MYO3A: variants seen among roughly 807,000 people sequenced by gnomAD.
MYO3A encodes myosin IIIA, also known as myosin-IIIa.
MYO3A carries 180 observed loss-of-function variants against 192.7 expected under a neutral mutation model. The ratio of observed to expected loss-of-function variants is 0.93; its 90% CI spans 0.83 to 1.06. The LOEUF (loss-of-function observed/expected upper bound fraction) is 1.06, where lower values mean the gene tolerates loss of function less well. Among genes scored for constraint, MYO3A ranks in the 50% least tolerant of loss-of-function variants. The probability of loss-of-function intolerance (pLI) is 0.00; values close to 1 mark genes in which losing one functional copy is unlikely to be tolerated. For missense variants in MYO3A, 1,896 were observed against 1,905.0 expected (o/e 1.00, Z 0.09); for synonymous variants, 628 against 645.3 (o/e 0.97, Z 0.41).
intron 32 of MYO3A, among the ~76,000 whole-genome samples, chr10:26,197,529 AT>A (rs1449685404): frequency 3.3e-5 from 5 of 151,958 alleles, no homozygotes; most frequent in Non-Finnish European, 7.4e-5. Flanking sequence ...GGCCTGCTTC[AT>A]TTTTCTCCGC....
chr10:25,950,700 T>C lies in MYO3A; in HGVS notation c.-17-1394T>C, dbSNP rs544969164. Among the ~76,000 whole-genome samples, 234 of 152,260 alleles carry C rather than the reference T, an allele frequency of 1.5e-3. 3 individuals carry two copies. Among genetic ancestry groups the C allele is most frequent in the South Asian group, 4.1e-4 (2 of 4,822 alleles). On this transcript the variant is annotated intron_variant, in intron 2 of 34. Transcript: ENST00000642920. The stretch of plus-strand genomic sequence containing the variant: ...ACAATAATACAAGGCTTAGAGTCTA[T>C]CCTGAGGAAGGAGAAATGAGTAGGG...
At chr10:26,207,991 C>G (rs1844053268) in intron 34 of MYO3A, among the ~76,000 whole-genome samples, 1 of 152,056 alleles carries the variant, frequency 6.6e-6, no homozygotes, top group African/African-American at 2.4e-5. Context: ...TCTTTTACCT[C>G]CTTGATTAAA....
rs376381097 is a variant in MYO3A, at chr10:26,209,828, G to A, written c.4731-2015G>A. On this transcript the variant is annotated intron_variant, in intron 34 of 34. Coordinates refer to ENST00000642920, the MANE Select transcript of MYO3A (RefSeq NM_017433.5). ...TAAAATTCCTGGCCTGGCACTGTGG[G>A]TCATGCCTGTAATCCCAGCACTTTG... 8.0e-4 allele frequency among the ~76,000 whole-genome samples: 122 copies of A among 152,222 alleles called. 2 individuals are homozygous for A. In the South Asian group the frequency reaches 0.024, roughly 30 times the overall value.
At position 26,174,186 on chromosome 10, in the gene MYO3A, T is replaced by C; in HGVS notation, c.3922T>C (p.Ser1308Pro). 1 of 1,614,088 alleles carries C rather than the reference T, an allele frequency of 6.2e-7. No homozygotes were observed. The highest frequency in any genetic ancestry group is 8.5e-7 in the Non-Finnish European group (1 of 1,180,014). ...ANSMEKEKKT[S>P]VVTQRAPICS... Reference sequence around the variant, plus strand: ...CAGCATGGAAAAAGAAAAGAAGACATCTGTAGTTACCCAGCGTGCACCGAT... The same window carrying C: ...CAGCATGGAAAAAGAAAAGAAGACACCTGTAGTTACCCAGCGTGCACCGAT... The change falls in exon 30 of 35, where the codon TCT becomes CCT. Residue 1308 changes from serine to proline, a missense_variant. Physicochemically the swap from Ser to Pro is moderately conservative, Grantham distance 74. Transcript: ENST00000642920.
chr10:26,030,807 A>G (rs1169188698), intron 10 of MYO3A, among the ~76,000 whole-genome samples: 2 of 152,226 alleles, frequency 1.3e-5, no homozygotes, highest in Non-Finnish European at 2.9e-5. Context: ...ACTGAATATA[A>G]ACTTCCTTGT....
chr10:26,052,982 G>T (rs1210221405), intron 10 of MYO3A, among the ~76,000 whole-genome samples: 6 of 151,832 alleles, frequency 4.0e-5, no homozygotes, highest in African/African-American at 1.2e-4. Flanking sequence ...AATATAATAT[G>T]GTTAACAAGT....
At chr10:25,939,786 C>T (rs1250774921) in intron 2 of MYO3A, among the ~76,000 whole-genome samples, 1 of 151,876 alleles carries the variant, frequency 6.6e-6, no homozygotes, top group Admixed American at 6.6e-5. Flanking sequence ...TCCTTACAAA[C>T]ATTTTTTTGT....
chr10:25,986,733 A>G (rs554897950), intron 4 of MYO3A, among the ~76,000 whole-genome samples: 2 of 152,366 alleles, frequency 1.3e-5, no homozygotes, highest in African/African-American at 4.8e-5. Context: ...AAATGGAAAC[A>G]CAACCGATGC....
chr10:26,126,588 CTGG>C (rs1250846008), intron 19 of MYO3A, among the ~76,000 whole-genome samples: 1 of 151,976 alleles, frequency 6.6e-6, no homozygotes, highest in African/African-American at 2.4e-5. Flanking sequence ...GTTGTATGTT[CTGG>C]TACGGTCATC....
rs1184124089 is a variant in MYO3A at position 26,211,759 on chromosome 10, G to A, written c.4731-84G>A. ...CGCGGTTGGCAGAACGTGGGAGGAAGAGGACCCGCCTAACTCGGGGTAGGT... is the reference window on the plus strand; with the variant it reads ...CGCGGTTGGCAGAACGTGGGAGGAAAAGGACCCGCCTAACTCGGGGTAGGT... On this transcript the variant is annotated intron_variant, in intron 34 of 34. Coordinates refer to ENST00000642920, the MANE Select transcript of MYO3A (RefSeq NM_017433.5). 2.5e-6 allele frequency: 4 copies of A among 1,591,080 alleles called. No individual in the cohort carries two copies. In the East Asian group the frequency reaches 9.0e-5, roughly 36 times the overall value.
chr10:26,030,728 G>C (rs1255009701), intron 10 of MYO3A, among the ~76,000 whole-genome samples: 1 of 152,136 alleles, frequency 6.6e-6, no homozygotes, highest in African/African-American at 2.4e-5. Context: ...TATGTGCTTG[G>C]CAGTATAATT....
At chr10:26,199,798 T>G (rs1041222132) in intron 32 of MYO3A, among the ~76,000 whole-genome samples, 1 of 152,150 alleles carries the variant, frequency 6.6e-6, no homozygotes, top group African/African-American at 2.4e-5. Context: ...TCACTCAACA[T>G]AGTGCCATCA....
chr10:26,161,584 C>T (rs1841488274), intron 26 of MYO3A, among the ~76,000 whole-genome samples: 1 of 152,264 alleles, frequency 6.6e-6, no homozygotes, highest in Non-Finnish European at 1.5e-5. Context: ...CTTACTAAAT[C>T]TGTGGCCTTA....
intron 34 of MYO3A, chr10:26,204,102 A>G (rs1843798355): frequency 6.6e-6 from 1 of 151,980 alleles, no homozygotes; most frequent in South Asian, 2.1e-4. Flanking sequence ...CTAAACTATG[A>G]TATTTGCCCT....
At chr10:26,021,709 G>A (rs767377876) in intron 8 of MYO3A, 61 bp downstream of exon 8, 1 of 1,591,736 alleles carries the variant, frequency 6.3e-7, no homozygotes, top group East Asian at 2.2e-5. Context: ...CAGCCACCAA[G>A]TGTTCATCAT....
chr10:26,179,023 G>A (rs572052276), intron 31 of MYO3A, among the ~76,000 whole-genome samples: 11 of 149,808 alleles, frequency 7.3e-5, no homozygotes, highest in East Asian at 2.0e-4. Context: ...GGGTGGTCTC[G>A]ATCCGACCCT....
chr10:26,124,005 G>A (rs781747967), intron 18 of MYO3A, among the ~76,000 whole-genome samples: 10 of 151,320 alleles, frequency 6.6e-5, no homozygotes, highest in East Asian at 2.0e-4. Context: ...GCAACATGGC[G>A]AAACACTATC....
Position 26,168,771 on chromosome 10 carries a change from C to G in MYO3A, c.3171C>G (p.Asp1057Glu). 1 of 1,613,272 alleles carries G rather than the reference C, an allele frequency of 6.2e-7. No homozygotes were observed. The highest frequency in any genetic ancestry group is 8.5e-7 in the Non-Finnish European group (1 of 1,179,666). The change falls in exon 28 of 35, where the codon GAC (aspartate) becomes GAG (glutamate). Residue 1057 changes from aspartate (D) to glutamate (E), a missense_variant. Asp to Glu is a conservative substitution (Grantham distance 45). Coordinates refer to ENST00000642920, the MANE Select transcript of MYO3A (RefSeq NM_017433.5). ...QLNLMRKEAI[D>E]KLILIQACVR... ...ATCTAATGCGAAAGGAAGCTATTGA[C>G]AAGCTTATTTTGATTCAAGCTTGTG...
At chr10:25,975,869 C>A (rs960049535) in intron 4 of MYO3A, among the ~76,000 whole-genome samples, 3 of 152,074 alleles carry the variant, frequency 2.0e-5, no homozygotes, top group Non-Finnish European at 2.9e-5. Flanking sequence ...AAATTCAATA[C>A]CCATATGTGA....
Sources: gnomAD v4.1 joint callset for allele counts (sites outside exome capture counted in the v4.1 genomes callset) on GRCh38, gnomAD v4.1.1 for gene constraint, MANE v1.5 for transcripts, NCBI Gene and HGNC (gene_info 2026-07-23, HGNC 2026-07-21) for gene names.